The following CREBBP variants were observed in gnomAD, a reference collection of about 807,000 sequenced individuals.
CREBBP encodes CREB binding lysine acetyltransferase.
Under a neutral mutation model 265.0 loss-of-function variants are expected in CREBBP, and 19 were observed. The ratio of observed to expected loss-of-function variants is 0.07; its 90% CI spans 0.05 to 0.11. CREBBP has a LOEUF of 0.11. Ranked by LOEUF, CREBBP falls within the 10% of genes least tolerant of loss-of-function variation. The pLI is 1.00. For missense variants in CREBBP, 2,525 were observed against 3,219.0 expected (o/e 0.78, Z 5.22); for synonymous variants, 1,457 against 1,223.7 (o/e 1.19, Z -3.98).
intron 1 of CREBBP, among the ~76,000 whole-genome samples, chr16:3,858,880 G>A (rs991577781): frequency 6.6e-6 from 1 of 152,184 alleles, no homozygotes; most frequent in Non-Finnish European, 1.5e-5. Flanking sequence ...CAGATTAAAT[G>A]GCATAATGTA....
chr16:3,764,768 A>G (rs1257757493), intron 16 of CREBBP, among the ~76,000 whole-genome samples: 1 of 151,748 alleles, frequency 6.6e-6, no homozygotes, highest in African/African-American at 2.4e-5. Flanking sequence ...TTTTTTGTAG[A>G]GACAGGGTCT....
chr16:3,776,652 T>G (rs1271348381), intron 11 of CREBBP, among the ~76,000 whole-genome samples: 1 of 152,012 alleles, frequency 6.6e-6, no homozygotes, highest in East Asian at 1.9e-4. Context: ...TCCCCACATC[T>G]AGGGTGCTTC....
chr16:3,880,094 C>A lies in CREBBP; in HGVS notation c.-178G>T. On this transcript the variant is annotated 5_prime_UTR_variant, in exon 1 of 31. Coordinates refer to ENST00000262367, the MANE Select transcript of CREBBP (RefSeq NM_004380.3). ...CGGGTGGGGGAGGCGGCGGCCAAAT[C>A]TCAGCCACAGCAACAGCGCCCCGCA... The A allele has an allele frequency of 3.5e-6, 1 of 284,118 alleles. No individual in the cohort carries two copies. Among genetic ancestry groups the A allele is most frequent in the South Asian group, 1.4e-4 (1 of 7,210 alleles). The allele number at this position is 284,118 out of a possible 1,614,324, so 17.6% of individuals were successfully genotyped here. A position where few individuals can be genotyped will look rare whatever the true frequency, so the allele number is the denominator to read the frequency against.
In CREBBP at chr16:3,769,186, C is replaced by T. The variant is rs751808658; in HGVS notation, c.3048G>A (p.Glu1016=). Residue 1016 remains glutamate, a synonymous_variant, in exon 15 of 31, where the codon GAG becomes GAA. Transcript: ENST00000262367. ...GAGCGGCACCCACCTCAGACCTGGGCTCCCCTTTGGATTCACCAGGATCGG... is the reference window on the plus strand; with the variant it reads ...GAGCGGCACCCACCTCAGACCTGGGTTCCCCTTTGGATTCACCAGGATCGG... The part of the protein sequence containing the change: ...TEPDPGESKG[E]PRSEMMEEDL... 11 of 1,614,122 alleles carry T rather than the reference C, an allele frequency of 6.8e-6. No individual in the cohort carries two copies. In the East Asian group the frequency reaches 2.0e-4, roughly 29 times the overall value.
chr16:3,772,927 A>G (rs2141211605), intron 13 of CREBBP, among the ~76,000 whole-genome samples: 1 of 149,610 alleles, frequency 6.7e-6, no homozygotes, highest in East Asian at 2.0e-4. Context: ...AAAAAAAAAA[A>G]AAAAAAAAAA....
rs202225861 is a variant in CREBBP, at chr16:3,782,858, C to T, written c.1399G>A (p.Ala467Thr). ...GGATTTGGGTTACTTAAAGAAGTGG[C>T]ATTCTGTTGCCCTGTGCCAACAGAA... ...IGSVGTGQQN[A>T]TSLSNPNPID... is the part of the protein sequence containing the mutation. The change falls in exon 6 of 31, where the codon GCC (alanine) becomes ACC (threonine). Residue 467 changes from alanine to threonine, a missense_variant. By Grantham distance (58) the Ala-to-Thr change is moderately conservative. Transcript: ENST00000262367. The T allele has an allele frequency of 4.0e-4, 647 of 1,614,050 alleles. 1 individual carries two copies. The highest frequency in any genetic ancestry group is 5.1e-4 in the Non-Finnish European group (599 of 1,180,048).
At chr16:3,739,332 G>A (rs966777041) in intron 25 of CREBBP, 1 of 539,680 alleles carries the variant, frequency 1.9e-6, no homozygotes, top group African/African-American at 1.9e-5. Context: ...AGGTTTACCT[G>A]CGTTAGGTAA....
intron 16 of CREBBP, among the ~76,000 whole-genome samples, chr16:3,763,739 C>T (rs973620187): frequency 2.0e-5 from 3 of 152,106 alleles, no homozygotes; most frequent in Admixed American, 6.5e-5. Flanking sequence ...GTTGGGATTA[C>T]AGGTGTGAGC....
intron 21 of CREBBP, 111 bp from the exon 22 acceptor site, chr16:3,745,465 G>A (rs971678353): frequency 2.2e-6 from 2 of 899,578 alleles, no homozygotes; most frequent in Non-Finnish European, 3.6e-6. Context: ...ACTTTGAGTA[G>A]TGCTGACATT....
At chr16:3,849,705 G>A (rs564252014) in intron 2 of CREBBP, among the ~76,000 whole-genome samples, 15 of 151,610 alleles carry the variant, frequency 9.9e-5, no homozygotes, top group Non-Finnish European at 1.8e-4. Flanking sequence ...CAGGCCCCAC[G>A]CCGAGCTTCT....
chr16:3,786,990 G>C (rs1567312977), intron 5 of CREBBP, among the ~76,000 whole-genome samples: 1 of 151,554 alleles, frequency 6.6e-6, no homozygotes, highest in South Asian at 2.1e-4. Context: ...GGAATCACTT[G>C]AACTAGGGAG....
chr16:3,797,929 T>C (rs776633126), intron 3 of CREBBP, among the ~76,000 whole-genome samples: 2 of 152,234 alleles, frequency 1.3e-5, no homozygotes, highest in Non-Finnish European at 2.9e-5. Context: ...GCAAATTGGT[T>C]GATCTTTTAT....
At chr16:3,772,748 G>A (rs1208258066) in intron 13 of CREBBP, among the ~76,000 whole-genome samples, 1 of 151,792 alleles carries the variant, frequency 6.6e-6, no homozygotes, top group Admixed American at 6.6e-5. Flanking sequence ...ATATAATAAT[G>A]ACTTATGCAG....
At chr16:3,738,805 A>G in intron 25 of CREBBP, 133 bp from the exon 26 acceptor site, 1 of 695,530 alleles carries the variant, frequency 1.4e-6, no homozygotes, top group South Asian at 1.6e-5. Flanking sequence ...CAATGCGGTG[A>G]CGCGGTCACA....
rs571812251 is a variant in CREBBP at position 3,757,824 on chromosome 16, A to G, written c.3594T>C (p.Tyr1198=). 41 of 1,614,186 alleles carry G rather than the reference A, an allele frequency of 2.5e-5. No homozygotes were observed. The South Asian group carries it at 4.3e-4, about 17-fold the overall frequency. Residue 1198 remains tyrosine (Y), a synonymous_variant, in exon 18 of 31, where the codon TAT becomes TAC. Coordinates refer to ENST00000262367, the MANE Select transcript of CREBBP (RefSeq NM_004380.3). ...AAAACTGTACCTTGCGTCCACAGCA[A>G]TATCCAAGGGACTGCATGACAGGGT... ...EIDPVMQSLG[Y]CCGRKYEFSP... is the part of the protein sequence containing the mutation.
intron 21 of CREBBP, among the ~76,000 whole-genome samples, chr16:3,747,915 C>A (rs547833902): frequency 6.6e-6 from 1 of 152,162 alleles, no homozygotes; most frequent in East Asian, 1.9e-4. Context: ...TGGTGAAACC[C>A]CGTCTCTACT....
intron 1 of CREBBP, among the ~76,000 whole-genome samples, chr16:3,873,727 C>T (rs2055345155): frequency 6.6e-6 from 1 of 152,170 alleles, no homozygotes; most frequent in Non-Finnish European, 1.5e-5. Context: ...TTGCCCCAAA[C>T]ATGCTCTGGC....
At chr16:3,873,964 G>C (rs1360309497) in intron 1 of CREBBP, among the ~76,000 whole-genome samples, 3 of 152,144 alleles carry the variant, frequency 2.0e-5, no homozygotes, top group African/African-American at 4.8e-5. Flanking sequence ...ACTGCCCCTG[G>C]GGAGGGAAGT....
At position 3,757,732 on chromosome 16, in the gene CREBBP, G is replaced by A. The variant is rs2151382863; in HGVS notation, c.3609+77C>T. ...ATATGCACTCCCAGTATACAGGCGTGGTCTCATATTAGTATAACACCCCTC... is the reference window on the plus strand; with the variant it reads ...ATATGCACTCCCAGTATACAGGCGTAGTCTCATATTAGTATAACACCCCTC... On this transcript the variant is annotated intron_variant, in intron 18 of 30. Transcript: ENST00000262367. The A allele has an allele frequency of 3.2e-6, 5 of 1,585,236 alleles. No homozygotes were observed. In the South Asian group the frequency reaches 5.5e-5, roughly 18 times the overall value.
Sources: allele counts gnomAD v4.1 joint callset (sites outside exome capture counted in the v4.1 genomes callset), GRCh38; gene constraint gnomAD v4.1.1; transcripts MANE v1.5; gene names NCBI Gene and HGNC (gene_info 2026-07-23, HGNC 2026-07-21).